RBFOX1: variants seen among roughly 807,000 people sequenced by gnomAD.
The protein encoded by RBFOX1 is RNA binding protein fox-1 homolog 1.
RBFOX1 carries 8 observed loss-of-function variants against 57.7 expected under a neutral mutation model. The observed-to-expected ratio is 0.14, with a 90% confidence interval of 0.08 to 0.25. RBFOX1 has a LOEUF of 0.25. Ranked by LOEUF, RBFOX1 falls within the 10% of genes least tolerant of loss-of-function variation. The pLI, the probability that RBFOX1 is intolerant of heterozygous loss-of-function variation, is 1.00. For missense variants in RBFOX1, 611 were observed against 548.5 expected, an observed-to-expected ratio of 1.11 and a Z score of -1.14; for synonymous variants, 326 against 222.4, an observed-to-expected ratio of 1.47 and a Z score of -4.15.
At chr16:5,618,674 A>T (rs1464339868) in intron 3 of RBFOX1, among the ~76,000 whole-genome samples, 1 of 152,214 alleles carries the variant, frequency 6.6e-6, no homozygotes, top group Non-Finnish European at 1.5e-5. Context: ...ACCTCAAAAA[A>T]ACTGTTTTAA....
At chr16:6,082,347 A>ATTTTTTT (rs71142677) in intron 1 of RBFOX1, among the ~76,000 whole-genome samples, 659 of 41,000 alleles carry the variant, frequency 0.016, 27 homozygotes, top group Non-Finnish European at 0.021. Flanking sequence ...CACCTGGCTA[A>ATTTTTTT]TTTTTTTTTT....
chr16:7,214,689 C>G (rs959626426), intron 4 of RBFOX1, among the ~76,000 whole-genome samples: 1 of 152,070 alleles, frequency 6.6e-6, no homozygotes, highest in African/African-American at 2.4e-5. Context: ...AATCCAGAAC[C>G]CTTCACACAG....
In RBFOX1 at chr16:7,405,313, C is replaced by G. The variant is rs376046385; in HGVS notation, c.28-112834C>G. Among the ~76,000 whole-genome samples the G allele has an allele frequency of 2.0e-5, 3 of 152,338 alleles. No homozygotes were observed. The South Asian group carries it at 6.2e-4, about 32-fold the overall frequency. ...CTCCTGGTAGCCCCCCCGCTGCAAA[C>G]CTTTGCCGCTGGAAAGCCTTCAGCT... is the stretch of plus-strand genomic sequence containing the variant. On this transcript the variant is annotated intron_variant, in intron 4 of 15. Transcript: ENST00000550418.
chr16:5,867,240 A>G, intron 3 of RBFOX1: 1 of 1,105,536 alleles, frequency 9.0e-7, no homozygotes, highest in Non-Finnish European at 1.1e-6. Flanking sequence ...CTTTAAAAAG[A>G]CAATTAATCC....
At chr16:6,831,882 T>G (rs764681805) in intron 3 of RBFOX1, among the ~76,000 whole-genome samples, 8 of 152,092 alleles carry the variant, frequency 5.3e-5, no homozygotes, top group South Asian at 2.1e-4. Flanking sequence ...GTGAAAGAAG[T>G]AGGAAAAGCA....
At position 5,819,706 on chromosome 16, in the gene RBFOX1, C is replaced by T. The variant is rs183917007; in HGVS notation, c.319-47597C>T. The stretch of plus-strand genomic sequence containing the variant: ...CTCCCACTGCCTGGAATACCCTTTC[C>T]CTCTGCCATGCCCACCAGGTGAATC... On this transcript the variant is annotated intron_variant, in intron 3 of 19. Transcript: ENST00000641259. Among the ~76,000 whole-genome samples, 3 of 152,340 alleles carry T rather than the reference C, an allele frequency of 2.0e-5. No individual in the cohort carries two copies. The East Asian group carries it at 5.8e-4, about 29-fold the overall frequency.
chr16:5,494,923 C>A (rs2042952599), intron 2 of RBFOX1, among the ~76,000 whole-genome samples: 1 of 152,172 alleles, frequency 6.6e-6, no homozygotes, highest in Non-Finnish European at 1.5e-5. Context: ...TATGTTTTGG[C>A]TCCTGTAAGT....
intron 3 of RBFOX1, among the ~76,000 whole-genome samples, chr16:6,898,109 C>T (rs768697743): frequency 6.6e-5 from 10 of 152,144 alleles, no homozygotes; most frequent in Non-Finnish European, 1.2e-4. Flanking sequence ...GAGTAAATTC[C>T]ACACCATATT....
intron 3 of RBFOX1, among the ~76,000 whole-genome samples, chr16:6,671,569 A>G (rs924667340): frequency 6.6e-6 from 1 of 152,120 alleles, no homozygotes; most frequent in African/African-American, 2.4e-5. Context: ...TGCATCTCAG[A>G]TTCCTCTTCT....
intron 3 of RBFOX1, among the ~76,000 whole-genome samples, chr16:6,748,396 C>G (rs2074229831): frequency 6.6e-6 from 1 of 152,126 alleles, no homozygotes; most frequent in Admixed American, 6.5e-5. Context: ...CACTGTGGCT[C>G]ACACCTATAA....
Position 5,746,055 on chromosome 16 carries a change from G to C in RBFOX1, c.319-121248G>C, listed in dbSNP as rs371341147. Among the ~76,000 whole-genome samples the C allele has an allele frequency of 1.7e-4, 26 of 152,214 alleles. No individual in the cohort carries two copies. The East Asian group carries it at 3.3e-3, about 19-fold the overall frequency. ...TGGTAATGCCTAGGTTTTCTTGTAGGGTTTCTATAGTTTTAGGTCTAACAT... is the reference window on the plus strand; with the variant it reads ...TGGTAATGCCTAGGTTTTCTTGTAGCGTTTCTATAGTTTTAGGTCTAACAT... On this transcript the variant is annotated intron_variant, in intron 3 of 19. Coordinates refer to the RBFOX1 transcript ENST00000641259.
At chr16:6,607,362 T>G (rs1179022428) in intron 2 of RBFOX1, among the ~76,000 whole-genome samples, 1 of 150,932 alleles carries the variant, frequency 6.6e-6, no homozygotes, top group Non-Finnish European at 1.5e-5. Context: ...ATAAATGTTA[T>G]AACCATATGA....
chr16:6,725,909 T>C (rs1181953481), intron 3 of RBFOX1, among the ~76,000 whole-genome samples: 3 of 152,186 alleles, frequency 2.0e-5, no homozygotes, highest in Non-Finnish European at 4.4e-5. Context: ...CAGTTTGATA[T>C]TGTCCCCTGT....
chr16:6,761,361 C>A (rs1044031583), intron 3 of RBFOX1, among the ~76,000 whole-genome samples: 1 of 152,014 alleles, frequency 6.6e-6, no homozygotes, highest in Admixed American at 6.6e-5. Context: ...TATTCTATAC[C>A]AGACATACAT....
chr16:6,198,390 T>G (rs2097194170), intron 1 of RBFOX1, among the ~76,000 whole-genome samples: 1 of 152,210 alleles, frequency 6.6e-6, no homozygotes, highest in South Asian at 2.1e-4. Flanking sequence ...ATATTACATG[T>G]TTTGTCTATG....
chr16:5,343,568 G>C (rs1350763328), intron 1 of RBFOX1, among the ~76,000 whole-genome samples: 2 of 151,654 alleles, frequency 1.3e-5, no homozygotes, highest in Non-Finnish European at 2.9e-5. Context: ...TGATCTACCT[G>C]CCTTGGCCTC....
Position 6,492,161 on chromosome 16 carries a change from G to T in RBFOX1, c.-63-162442G>T, listed in dbSNP as rs1336549028. 2.0e-5 allele frequency among the ~76,000 whole-genome samples: 3 copies of T among 152,182 alleles called. No homozygotes were observed. In the East Asian group the frequency reaches 5.8e-4, roughly 29 times the overall value. On this transcript the variant is annotated intron_variant, in intron 2 of 15. Coordinates refer to ENST00000550418, the MANE Select transcript of RBFOX1 (RefSeq NM_018723.4). ...GCGTGTGAAAGTTTCCCTTGTATAT[G>T]TGAAAGTTTTATATATTGTATTGGA...
At chr16:7,221,281 A>G (rs1297653824) in intron 4 of RBFOX1, among the ~76,000 whole-genome samples, 1 of 152,138 alleles carries the variant, frequency 6.6e-6, no homozygotes, top group African/African-American at 2.4e-5. Context: ...TCAGAAGGTG[A>G]TTTGGCTAGA....
At chr16:7,695,395 C>T (rs2078472977) in intron 14 of RBFOX1, among the ~76,000 whole-genome samples, 1 of 91,222 alleles carries the variant, frequency 1.1e-5, no homozygotes, top group Admixed American at 1.2e-4. Context: ...CTCCTACATG[C>T]TGAAAAAACC....
Sources: allele counts gnomAD v4.1 joint callset (sites outside exome capture counted in the v4.1 genomes callset), GRCh38; gene constraint gnomAD v4.1.1; transcripts MANE v1.5; gene names NCBI Gene and HGNC (gene_info 2026-07-23, HGNC 2026-07-21).